Variants in BRAP observed in about 807,000 individuals in gnomAD.
BRAP encodes the protein BRCA1-associated protein.
BRAP carries 42 observed loss-of-function variants against 73.4 expected under a neutral mutation model. The observed-to-expected ratio is 0.57, with a 90% CI of 0.45 to 0.74. The LOEUF (loss-of-function observed/expected upper bound fraction) is 0.74, where lower values mean the gene tolerates loss of function less well. Among genes scored for constraint, BRAP ranks in the 30% least tolerant of loss-of-function variants. The pLI, the probability that BRAP is intolerant of heterozygous loss-of-function variation, is 0.00. For synonymous variants in BRAP, 255 were observed against 267.4 expected (o/e 0.95, Z 0.45); for missense variants, 593 against 751.4 (o/e 0.79, Z 2.46).
chr12:111,658,588 T>C, intron 9 of BRAP, 148 bp downstream of exon 9: 3 of 557,040 alleles, frequency 5.4e-6, no homozygotes, highest in Non-Finnish European at 9.2e-6. Context: ...CCTCCCAAAG[T>C]GTTGGGATTA....
chr12:111,678,445 T>A (rs1592996890), intron 4 of BRAP, among the ~76,000 whole-genome samples: 2 of 150,620 alleles, frequency 1.3e-5, no homozygotes, highest in Non-Finnish European at 3.0e-5. Flanking sequence ...GATCACAAGG[T>A]CAGGAGTTCG....
intron 9 of BRAP, among the ~76,000 whole-genome samples, chr12:111,657,608 G>A (rs988677778): frequency 2.0e-5 from 3 of 151,996 alleles, no homozygotes; most frequent in African/African-American, 7.2e-5. Context: ...GGCCGGGTAC[G>A]GTGGCTCATG....
chr12:111,656,265 C>T (rs12371719), intron 9 of BRAP, among the ~76,000 whole-genome samples: 3 of 152,142 alleles, frequency 2.0e-5, no homozygotes, highest in Non-Finnish European at 2.9e-5. Context: ...GGACAGATGG[C>T]GTATGACAGT....
intron 10 of BRAP, among the ~76,000 whole-genome samples, chr12:111,653,017 C>T (rs768949725): frequency 5.3e-5 from 8 of 152,098 alleles, no homozygotes; most frequent in East Asian, 1.9e-4. Flanking sequence ...GCCAACCCCC[C>T]GATCTGAATA....
At chr12:111,653,753 G>A (rs925144731) in intron 10 of BRAP, among the ~76,000 whole-genome samples, 2 of 152,128 alleles carry the variant, frequency 1.3e-5, no homozygotes, top group East Asian at 1.9e-4. Context: ...GGGTGCTAAC[G>A]GACAAGGGAC....
chr12:111,657,061 G>T (rs1167338459), intron 9 of BRAP, among the ~76,000 whole-genome samples: 1 of 151,814 alleles, frequency 6.6e-6, no homozygotes, highest in Non-Finnish European at 1.5e-5. Flanking sequence ...TTTCTTTTTG[G>T]AGACGGAGTT....
chr12:111,673,617 A>T (rs1887262735), intron 4 of BRAP, among the ~76,000 whole-genome samples: 1 of 151,674 alleles, frequency 6.6e-6, no homozygotes, highest in Non-Finnish European at 1.5e-5. Context: ...TTAATAAACC[A>T]AATAATAATA....
chr12:111,646,165 T>C (rs571881610), intron 11 of BRAP, among the ~76,000 whole-genome samples: 8 of 151,962 alleles, frequency 5.3e-5, no homozygotes, highest in Admixed American at 5.2e-4. Context: ...TGTGCACTTG[T>C]AGACCCAGCT....
At chr12:111,663,494 TCCTG>T (rs951216908) in intron 6 of BRAP, among the ~76,000 whole-genome samples, 1 of 152,172 alleles carries the variant, frequency 6.6e-6, no homozygotes, top group Admixed American at 6.5e-5. Context: ...ATTAAATTCT[TCCTG>T]CCTTTCTCTG....
At chr12:111,684,987 TGTTA>T (rs1431234593) in intron 1 of BRAP, among the ~76,000 whole-genome samples, 1 of 152,120 alleles carries the variant, frequency 6.6e-6, no homozygotes, top group Non-Finnish European at 1.5e-5. Flanking sequence ...CTTGAATGAA[TGTTA>T]GTTAATTATC....
chr12:111,667,368 G>C (rs936215815), intron 5 of BRAP, among the ~76,000 whole-genome samples: 1 of 152,058 alleles, frequency 6.6e-6, no homozygotes, highest in Non-Finnish European at 1.5e-5. Context: ...TGCTTCTTTT[G>C]TCTGTGACTA....
chr12:111,677,609 A>G (rs1887434239), intron 4 of BRAP, among the ~76,000 whole-genome samples: 1 of 152,236 alleles, frequency 6.6e-6, no homozygotes, highest in South Asian at 2.1e-4. Context: ...TGAGTGATAC[A>G]GAAGCCATCG....
rs1303516964 is a variant in BRAP, at chr12:111,642,945, A to G, written c.*1254T>C. On this transcript the variant is annotated 3_prime_UTR_variant, in exon 12 of 12. Transcript: ENST00000419234. ...TTACAGGCTAAAAACCTATTCTGAA[A>G]TGTGATCATTTGAAAACCTGTGGCT... 3.3e-5 allele frequency: 5 copies of G among 152,224 alleles called. No homozygotes were observed. Among genetic ancestry groups the G allele is most frequent in the Non-Finnish European group, 5.9e-5 (4 of 68,042 alleles). 9.4% of individuals were successfully genotyped at this position (152,224 alleles called of 1,614,324 possible). A position where few individuals can be genotyped will look rare whatever the true frequency, so the allele number is the denominator to read the frequency against.
intron 9 of BRAP, among the ~76,000 whole-genome samples, chr12:111,656,313 CAGAT>C (rs1299905298): frequency 6.6e-6 from 1 of 152,180 alleles, no homozygotes; most frequent in African/African-American, 2.4e-5. Flanking sequence ...AGGGTGCTGA[CAGAT>C]AGAAGAAGAA....
intron 4 of BRAP, among the ~76,000 whole-genome samples, chr12:111,673,869 T>C (rs1190198491): frequency 1.3e-5 from 2 of 152,194 alleles, no homozygotes; most frequent in East Asian, 1.9e-4. Flanking sequence ...TGGACACAGG[T>C]AAACAGAACC....
chr12:111,665,623 C>T lies in BRAP; in HGVS notation c.896+16G>A, dbSNP rs199656597. The T allele has an allele frequency of 5.0e-5, 81 of 1,613,942 alleles. No homozygotes were observed. The South Asian group carries it at 5.7e-4, about 11-fold the overall frequency. Reference sequence around the variant, plus strand: ...CAATGGGCTTGTACACAGAGGGGTTCGGCCCCTGCACTCACGTGGTATCGT... The same window carrying T: ...CAATGGGCTTGTACACAGAGGGGTTTGGCCCCTGCACTCACGTGGTATCGT... On this transcript the variant is annotated intron_variant, in intron 6 of 11. Coordinates refer to ENST00000419234, the MANE Select transcript of BRAP (RefSeq NM_006768.5). This position sits in a 1 kb window ranked among gnomAD's most constrained non-coding sequence, Gnocchi z 4.3.
At chr12:111,685,644 T>G (rs563354944) in intron 1 of BRAP, 67 bp downstream of exon 1, 3 of 1,521,566 alleles carry the variant, frequency 2.0e-6, no homozygotes, top group Non-Finnish European at 2.6e-6. Flanking sequence ...GGGCCAGTGC[T>G]TTGGGAAGGG....
At chr12:111,650,652 C>T (rs1886283534) in intron 10 of BRAP, among the ~76,000 whole-genome samples, 1 of 152,210 alleles carries the variant, frequency 6.6e-6, no homozygotes, top group Non-Finnish European at 1.5e-5. Context: ...CTCGGCCTCC[C>T]AAAGTGCTGG....
At chr12:111,651,525 A>T (rs1886322195) in intron 10 of BRAP, among the ~76,000 whole-genome samples, 1 of 151,796 alleles carries the variant, frequency 6.6e-6, no homozygotes, top group African/African-American at 2.4e-5. Flanking sequence ...AGACAGAGCA[A>T]GACACCATTA....
Sources: allele counts gnomAD v4.1 joint callset (sites outside exome capture counted in the v4.1 genomes callset), GRCh38; gene constraint gnomAD v4.1.1; non-coding constraint Gnocchi (gnomAD v3.1); transcripts MANE v1.5; gene names NCBI Gene and HGNC (gene_info 2026-07-23, HGNC 2026-07-21).